Variants in WLS observed in about 807,000 individuals in gnomAD.
The protein encoded by WLS is protein wntless homolog.
A neutral mutation model predicts 62.8 loss-of-function variants in WLS; 23 were observed. The observed-to-expected ratio is 0.37, with a 90% CI of 0.26 to 0.52. The LOEUF is 0.52. Ranked by LOEUF, WLS falls within the 20% of genes least tolerant of loss-of-function variation. The pLI, the probability that WLS is intolerant of heterozygous loss-of-function variation, is 0.92. For missense variants in WLS, 615 were observed against 697.3 expected (o/e 0.88, Z 1.33); for synonymous variants, 246 against 244.1 (o/e 1.01, Z -0.07).
intron 1 of WLS, among the ~76,000 whole-genome samples, chr1:68,219,972 A>G (rs564018087): frequency 1.3e-5 from 2 of 152,304 alleles, no homozygotes; most frequent in South Asian, 4.1e-4. Context: ...CAAAGAGGGA[A>G]TAAATCTCTT....
chr1:68,148,667 A>G lies in WLS; in HGVS notation c.973-7T>C. On this transcript the variant is annotated splice_polypyrimidine_tract_variant and splice_region_variant and intron_variant, in intron 6 of 11. Transcript: ENST00000262348. ...GGTTCCGCTCGTGCTGATCCTGAGG[A>G]AAACCAAATTGAGAAGGGAGATAGA... 6.2e-7 allele frequency: 1 copy of G among 1,613,226 alleles called. No individual in the cohort carries two copies. Among genetic ancestry groups the G allele is most frequent in the Admixed American group, 1.7e-5 (1 of 59,968 alleles).
rs1429838824 is a variant in WLS, at chr1:68,147,982, A to C, written c.1134+154T>G. On this transcript the variant is annotated intron_variant, in intron 8 of 11. Transcript: ENST00000262348. Reference sequence around the variant, plus strand: ...TTGAAAGCAAGCAGTAATTCTTCTTATTATTAGCCTTAATTGTGCTGTTAT... The same window carrying C: ...TTGAAAGCAAGCAGTAATTCTTCTTCTTATTAGCCTTAATTGTGCTGTTAT... 2.0e-5 allele frequency among the ~76,000 whole-genome samples: 3 copies of C among 152,194 alleles called. 1 individual carries two copies. The South Asian group carries it at 6.2e-4, about 32-fold the overall frequency.
chr1:68,182,748 T>C (rs915348313), intron 2 of WLS, among the ~76,000 whole-genome samples: 2 of 152,166 alleles, frequency 1.3e-5, no homozygotes, highest in African/African-American at 2.4e-5. Flanking sequence ...CAACTTGCCT[T>C]TTTTGGTGGG....
chr1:68,228,368 C>A, intron 1 of WLS: 1 of 322,456 alleles, frequency 3.1e-6, no homozygotes, highest in Non-Finnish European at 6.1e-6. Context: ...ATTTCTGAGA[C>A]ATGACTAATT....
chr1:68,162,461 G>T, intron 2 of WLS: 1 of 1,613,824 alleles, frequency 6.2e-7, no homozygotes, highest in Non-Finnish European at 8.5e-7. Context: ...TGCAAGTAGG[G>T]GTCATAAAAT....
At chr1:68,185,783 G>C (rs577147917) in intron 2 of WLS, among the ~76,000 whole-genome samples, 1 of 152,148 alleles carries the variant, frequency 6.6e-6, no homozygotes, top group African/African-American at 2.4e-5. Context: ...GCCATGCTCC[G>C]GGAACCTCTG....
At chr1:68,173,993 G>A (rs952609264) in intron 2 of WLS, among the ~76,000 whole-genome samples, 1 of 152,202 alleles carries the variant, frequency 6.6e-6, no homozygotes, top group Non-Finnish European at 1.5e-5. Flanking sequence ...CAGAAACCAG[G>A]TGTCTAAAAG....
intron 11 of WLS, among the ~76,000 whole-genome samples, chr1:68,099,435 T>A (rs979969376): frequency 6.6e-5 from 10 of 152,146 alleles, no homozygotes; most frequent in African/African-American, 2.4e-4. Context: ...GAATACTTGA[T>A]CAGACACACA....
chr1:68,181,954 C>G (rs1647599342), intron 2 of WLS, among the ~76,000 whole-genome samples: 1 of 152,192 alleles, frequency 6.6e-6, no homozygotes, highest in South Asian at 2.1e-4. Flanking sequence ...CAGCAGCCCT[C>G]TAGTATTCCT....
At chr1:68,106,955 T>G (rs1557443618) in intron 11 of WLS, among the ~76,000 whole-genome samples, 1 of 152,192 alleles carries the variant, frequency 6.6e-6, no homozygotes, top group Non-Finnish European at 1.5e-5. Flanking sequence ...ACTAAGTCGG[T>G]ATGCATTTGA....
At chr1:68,218,237 AT>A (rs57395781) in intron 1 of WLS, among the ~76,000 whole-genome samples, 66,786 of 151,706 alleles carry the variant, frequency 0.44, 16,710 homozygotes, top group Non-Finnish European at 0.59. Context: ...AAAATGGTGG[AT>A]TTTTTTTTCT....
chr1:68,196,185 G>T (rs1648650732), intron 1 of WLS, among the ~76,000 whole-genome samples: 1 of 151,294 alleles, frequency 6.6e-6, no homozygotes, highest in African/African-American at 2.4e-5. Flanking sequence ...AATTAATGTG[G>T]ACAGAATTAG....
intron 9 of WLS, among the ~76,000 whole-genome samples, chr1:68,145,324 G>T (rs887584974): frequency 6.6e-6 from 1 of 152,208 alleles, no homozygotes; most frequent in Non-Finnish European, 1.5e-5. Context: ...TCAAGGATGT[G>T]TTGCTTGCAT....
Position 68,153,510 on chromosome 1 carries a change from C to T in WLS, c.803+7G>A, listed in dbSNP as rs1039577417. 1 of 1,613,922 alleles carries T rather than the reference C, an allele frequency of 6.2e-7. No individual in the cohort carries two copies. The highest frequency in any genetic ancestry group is 1.3e-5 in the African/African-American group (1 of 74,906). ...TTCCTGAAGAGCGCTCCAAAACCAG[C>T]TCTTACTTTTCCAGAAGCACTGGGG... On this transcript the variant is annotated splice_region_variant and intron_variant, in intron 5 of 11. Transcript: ENST00000262348.
chr1:68,219,684 T>C lies in WLS; in HGVS notation c.106+12510A>G, dbSNP rs140472594. ...GTAGTAACAGCCATAAAGGTGAGTA[T>C]ATTAGACCATCATTATTCTCATACA... On this transcript the variant is annotated intron_variant, in intron 1 of 11. Transcript: ENST00000262348. Among the ~76,000 whole-genome samples the C allele has an allele frequency of 2.4e-3, 373 of 152,332 alleles. 1 individual carries two copies. The highest frequency in any genetic ancestry group is 4.4e-3 in the Non-Finnish European group (298 of 68,026).
At chr1:68,112,689 A>G (rs984320403) in intron 11 of WLS, among the ~76,000 whole-genome samples, 4 of 152,176 alleles carry the variant, frequency 2.6e-5, no homozygotes, top group African/African-American at 9.7e-5. Flanking sequence ...GTTACTGAAA[A>G]GTGTCCTTGT....
chr1:68,193,096 C>G (rs188887616), intron 2 of WLS, among the ~76,000 whole-genome samples: 1 of 149,750 alleles, frequency 6.7e-6, no homozygotes. Context: ...GCAACAAGAG[C>G]GAAACTCTGT....
intron 11 of WLS, among the ~76,000 whole-genome samples, chr1:68,101,222 T>G (rs779411709): frequency 1.3e-5 from 2 of 152,310 alleles, no homozygotes; most frequent in East Asian, 3.9e-4. Context: ...ACCTCATGGG[T>G]TGTTGTGAAG....
intron 11 of WLS, among the ~76,000 whole-genome samples, chr1:68,111,725 G>A (rs1646231305): frequency 6.6e-6 from 1 of 152,274 alleles, no homozygotes; most frequent in South Asian, 2.1e-4. Context: ...AAGCATGCAG[G>A]TCTCCACCCA....
Sources: allele counts gnomAD v4.1 joint callset (sites outside exome capture counted in the v4.1 genomes callset), GRCh38; gene constraint gnomAD v4.1.1; transcripts MANE v1.5; gene names NCBI Gene and HGNC (gene_info 2026-07-23, HGNC 2026-07-21).